Variants in B3GALT1 observed in about 807,000 individuals in gnomAD.
B3GALT1 encodes beta-1,3-galactosyltransferase 1.
B3GALT1 carries 10 observed loss-of-function variants against 23.2 expected under a neutral mutation model. The ratio of observed to expected loss-of-function variants is 0.43; its 90% CI spans 0.27 to 0.73. The LOEUF (loss-of-function observed/expected upper bound fraction) is 0.73, where lower values mean the gene tolerates loss of function less well. Ranked by LOEUF, B3GALT1 falls within the 30% of genes least tolerant of loss-of-function variation. The probability of loss-of-function intolerance (pLI) is 0.21; values close to 1 mark genes in which losing one functional copy is unlikely to be tolerated. For synonymous variants in B3GALT1, 156 were observed against 141.5 expected, an observed-to-expected ratio of 1.10 and a Z score of -0.73; for missense variants, 299 against 405.4, an observed-to-expected ratio of 0.74 and a Z score of 2.25.
At chr2:167,332,913 C>T (rs1696996763) in intron 1 of B3GALT1, among the ~76,000 whole-genome samples, 1 of 152,216 alleles carries the variant, frequency 6.6e-6, no homozygotes, top group Admixed American at 6.5e-5. Context: ...CATTTCATGC[C>T]TTACCTGGGT....
chr2:167,680,321 G>C (rs929615873), intron 3 of B3GALT1, among the ~76,000 whole-genome samples: 1 of 152,062 alleles, frequency 6.6e-6, no homozygotes, highest in African/African-American at 2.4e-5. Context: ...AAGCTGATAC[G>C]TAAAAAGTCA....
intron 2 of B3GALT1, among the ~76,000 whole-genome samples, chr2:167,504,397 C>G (rs1699889830): frequency 4.6e-5 from 7 of 152,094 alleles, no homozygotes; most frequent in Admixed American, 4.6e-4. Context: ...CAAACACTAC[C>G]CAGTTTTCAG....
chr2:167,509,208 T>A (rs937766209), intron 2 of B3GALT1, among the ~76,000 whole-genome samples: 1 of 152,194 alleles, frequency 6.6e-6, no homozygotes, highest in African/African-American at 2.4e-5. Context: ...ATGAGCCAAG[T>A]CATAAGTAAT....
chr2:167,331,507 G>T (rs1206745083), intron 1 of B3GALT1, among the ~76,000 whole-genome samples: 2 of 152,214 alleles, frequency 1.3e-5, no homozygotes, highest in African/African-American at 4.8e-5. Context: ...GTACAAGCTG[G>T]TCCCTGGACC....
intron 2 of B3GALT1, among the ~76,000 whole-genome samples, chr2:167,640,184 A>G (rs904923202): frequency 2.0e-5 from 3 of 151,846 alleles, no homozygotes; most frequent in Non-Finnish European, 2.9e-5. Flanking sequence ...TTTCCCTTAG[A>G]AAAAAAATTG....
In B3GALT1 at chr2:167,841,922, T is replaced by G. The variant is rs1689660393; in HGVS notation, c.-230+23129T>G. 2.6e-5 allele frequency among the ~76,000 whole-genome samples: 4 copies of G among 152,292 alleles called. No homozygotes were observed. The South Asian group carries it at 8.3e-4, about 32-fold the overall frequency. ...TGTGCTTCCTTTAAAATAATAAAAT[T>G]TTTTGCTTGTTTTTACTTCAACACT... On this transcript the variant is annotated intron_variant, in intron 4 of 4. Transcript: ENST00000392690.
In B3GALT1 at chr2:167,562,361, G is replaced by T. The variant is rs549128270; in HGVS notation, c.-410+72084G>T. Among the ~76,000 whole-genome samples, 7 of 152,232 alleles carry T rather than the reference G, an allele frequency of 4.6e-5. No homozygotes were observed. In the East Asian group the frequency reaches 1.4e-3, roughly 29 times the overall value. On this transcript the variant is annotated intron_variant, in intron 2 of 4. Coordinates refer to ENST00000392690, the MANE Select transcript of B3GALT1 (RefSeq NM_020981.4). The stretch of plus-strand genomic sequence containing the variant: ...CCACAGCCAATATCATACTGAATTG[G>T]CAAAAACTGGAAGCATTCCCTTTGA...
intron 4 of B3GALT1, among the ~76,000 whole-genome samples, chr2:167,859,559 G>A (rs1186832804): frequency 6.6e-6 from 1 of 151,938 alleles, no homozygotes; most frequent in Non-Finnish European, 1.5e-5. Flanking sequence ...CCCAAGGCAG[G>A]GATTTATAAA....
intron 3 of B3GALT1, among the ~76,000 whole-genome samples, chr2:167,781,573 A>G (rs2105320082): frequency 6.6e-6 from 1 of 152,260 alleles, no homozygotes; most frequent in East Asian, 1.9e-4. Flanking sequence ...AATCAAAACG[A>G]TTTTGGCTCA....
intron 3 of B3GALT1, among the ~76,000 whole-genome samples, chr2:167,788,697 C>T (rs911240407): frequency 3.3e-5 from 5 of 152,138 alleles, no homozygotes; most frequent in Admixed American, 1.3e-4. Flanking sequence ...AGACCGGTAC[C>T]AGTCTGTGGC....
At chr2:167,856,973 G>T (rs1489645417) in intron 4 of B3GALT1, among the ~76,000 whole-genome samples, 1 of 152,140 alleles carries the variant, frequency 6.6e-6, no homozygotes, top group Non-Finnish European at 1.5e-5. Flanking sequence ...GAGAAAGCAT[G>T]TACTAGTGAC....
chr2:167,869,475 A>T lies in B3GALT1; in HGVS notation c.436A>T (p.Ile146Phe). The T allele has an allele frequency of 6.2e-7, 1 of 1,614,036 alleles. No individual in the cohort carries two copies. ...CCATGATATCATCGTGGAGGACTTT[A>T]TTGACTCCTACCATAACCTTACCCT... ...IFHDIIVEDFIDSYHNLTLKT... is the reference protein window; with the variant it reads ...IFHDIIVEDFFDSYHNLTLKT... Residue 146 changes from isoleucine (I) to phenylalanine (F), a missense_variant, in exon 5 of 5, where the codon ATT becomes TTT. By Grantham distance (21) the Ile-to-Phe change is conservative. Transcript: ENST00000392690. This position sits in a 1 kb window ranked among gnomAD's most constrained non-coding sequence, Gnocchi z 6.4.
At chr2:167,474,077 A>G (rs146322376) in intron 1 of B3GALT1, among the ~76,000 whole-genome samples, 161 of 152,300 alleles carry the variant, frequency 1.1e-3, no homozygotes, top group African/African-American at 3.6e-3. Context: ...GTTAGTATTG[A>G]CAGCTGTACA....
intron 1 of B3GALT1, among the ~76,000 whole-genome samples, chr2:167,363,661 C>G (rs1179686040): frequency 6.6e-6 from 1 of 152,120 alleles, no homozygotes; most frequent in Non-Finnish European, 1.5e-5. Flanking sequence ...ATTTTCCCAC[C>G]CGTACTCTTG....
chr2:167,669,570 CA>C (rs1286620690), intron 3 of B3GALT1, among the ~76,000 whole-genome samples: 1 of 139,456 alleles, frequency 7.2e-6, no homozygotes, highest in Admixed American at 7.2e-5. Context: ...AGGAAAATAT[CA>C]ATCATTAAAT....
chr2:167,617,379 A>G (rs1378235218), intron 2 of B3GALT1, among the ~76,000 whole-genome samples: 1 of 152,058 alleles, frequency 6.6e-6, no homozygotes, highest in Non-Finnish European at 1.5e-5. Context: ...AAACCTATCA[A>G]TGGCAAAGAG....
chr2:167,586,948 C>T (rs944719852), intron 2 of B3GALT1, among the ~76,000 whole-genome samples: 1 of 152,138 alleles, frequency 6.6e-6, no homozygotes, highest in African/African-American at 2.4e-5. Flanking sequence ...CATATACTTA[C>T]TAACATTGGA....
At chr2:167,351,503 AAGAG>A (rs1470424974) in intron 1 of B3GALT1, among the ~76,000 whole-genome samples, 1 of 152,188 alleles carries the variant, frequency 6.6e-6, no homozygotes, top group Non-Finnish European at 1.5e-5. Context: ...CATCAAAAAT[AAGAG>A]AGAATTTTGC....
intron 3 of B3GALT1, among the ~76,000 whole-genome samples, chr2:167,726,488 T>C (rs1211070056): frequency 2.0e-5 from 3 of 152,192 alleles, no homozygotes; most frequent in Non-Finnish European, 4.4e-5. Flanking sequence ...TTGGAAAACA[T>C]TTCCTGCCCC....
Sources: gnomAD v4.1 joint callset for allele counts (sites outside exome capture counted in the v4.1 genomes callset) on GRCh38, gnomAD v4.1.1 for gene constraint, Gnocchi (gnomAD v3.1) non-coding constraint, MANE v1.5 for transcripts, NCBI Gene and HGNC (gene_info 2026-07-23, HGNC 2026-07-21) for gene names.